ASTN2: variants seen among roughly 807,000 people sequenced by gnomAD.
ASTN2 encodes astrotactin-2.
In ASTN2, 54 loss-of-function variants were observed where a neutral mutation model predicts 139.8. The observed-to-expected ratio is 0.39, with a 90% CI of 0.31 to 0.48. The LOEUF is 0.48. ASTN2 is among the 20% of genes least tolerant of loss of function. ASTN2 has a pLI of 0.95. For missense variants in ASTN2, 1,565 were observed against 1,725.1 expected (o/e 0.91, Z 1.64); for synonymous variants, 756 against 719.5 (o/e 1.05, Z -0.81).
In ASTN2 at chr9:116,469,935, T is replaced by G. The variant is rs557117648; in HGVS notation, c.3497+17424A>C. On this transcript the variant is annotated intron_variant, in intron 20 of 22. Coordinates refer to ENST00000313400, the MANE Select transcript of ASTN2 (RefSeq NM_001365068.1). ...AGATTTAGGCTGAGGCTGGGCACGG[T>G]GGCTCACGTCTGTAATCACAGCACT... Among the ~76,000 whole-genome samples the G allele has an allele frequency of 1.6e-3, 241 of 152,202 alleles. 3 individuals are homozygous for G. The highest frequency in any genetic ancestry group is 5.6e-3 in the African/African-American group (232 of 41,526).
chr9:116,656,682 CAAA>C (rs33989865), intron 16 of ASTN2, among the ~76,000 whole-genome samples: 54,335 of 110,344 alleles, frequency 0.49, 11,760 homozygotes, highest in Admixed American at 0.59. Context: ...TTGTTGCCAC[CAAA>C]AAAAAAAAAA....
chr9:116,672,073 T>C (rs978916779), intron 16 of ASTN2, among the ~76,000 whole-genome samples: 5 of 152,162 alleles, frequency 3.3e-5, no homozygotes, highest in Non-Finnish European at 5.9e-5. Context: ...AATTTTATAT[T>C]ATTTCATAAA....
At chr9:116,776,396 A>T (rs1830089730) in intron 13 of ASTN2, among the ~76,000 whole-genome samples, 1 of 152,218 alleles carries the variant, frequency 6.6e-6, no homozygotes, top group South Asian at 2.1e-4. Context: ...TACAGATGTA[A>T]AAAAGCAAGG....
In ASTN2 at chr9:116,805,686, T is replaced by C; in HGVS notation, c.2342A>G (p.Tyr781Cys). The C allele has an allele frequency of 6.2e-7, 1 of 1,613,972 alleles. No homozygotes were observed. Among genetic ancestry groups the C allele is most frequent in the East Asian group, 2.2e-5 (1 of 44,882 alleles). Residue 781 changes from tyrosine to cysteine, a missense_variant, in exon 13 of 23, where the codon TAC becomes TGC. By Grantham distance (194) the Tyr-to-Cys change is radical (BLOSUM62 -2). Transcript: ENST00000313400. ...DTLFGEMLHG[Y>C]NNRTQHVNQG... ...GTTCACATGCTGGGTCCGGTTGTTGTAACCATGTAGCATCTCTCCAAAGAG... is the reference window on the plus strand; with the variant it reads ...GTTCACATGCTGGGTCCGGTTGTTGCAACCATGTAGCATCTCTCCAAAGAG...
chr9:116,538,374 AAAAG>A (rs1265816964), intron 19 of ASTN2, among the ~76,000 whole-genome samples: 1 of 152,030 alleles, frequency 6.6e-6, no homozygotes, highest in Admixed American at 6.6e-5. Flanking sequence ...ACAAGGAAGG[AAAAG>A]AAAGAAATTT....
At chr9:116,935,661 T>G (rs1835046034) in intron 10 of ASTN2, among the ~76,000 whole-genome samples, 1 of 152,222 alleles carries the variant, frequency 6.6e-6, no homozygotes, top group Non-Finnish European at 1.5e-5. Flanking sequence ...TTTCCATCCT[T>G]TACTTGCTGT....
intron 1 of ASTN2, among the ~76,000 whole-genome samples, chr9:117,359,002 T>C (rs552748809): frequency 6.6e-6 from 1 of 152,250 alleles, no homozygotes; most frequent in Non-Finnish European, 1.5e-5. Context: ...TTAAATTTGA[T>C]CTAAATATAA....
chr9:116,778,284 T>C (rs1830134523), intron 13 of ASTN2, among the ~76,000 whole-genome samples: 3 of 152,136 alleles, frequency 2.0e-5, no homozygotes, highest in South Asian at 2.1e-4. Flanking sequence ...AATCCAAAAG[T>C]AGAGAAAACA....
At chr9:116,844,522 C>G (rs1832367264) in intron 11 of ASTN2, among the ~76,000 whole-genome samples, 1 of 151,926 alleles carries the variant, frequency 6.6e-6, no homozygotes, top group Non-Finnish European at 1.5e-5. Flanking sequence ...GTTAGCCAGT[C>G]ACTTCGTTAA....
chr9:116,846,301 AC>A (rs2132314104), intron 11 of ASTN2, among the ~76,000 whole-genome samples: 1 of 152,346 alleles, frequency 6.6e-6, no homozygotes, highest in African/African-American at 2.4e-5. Context: ...GCATCACGCT[AC>A]CAAACTGTTC....
At chr9:116,856,427 A>G (rs922800252) in intron 11 of ASTN2, among the ~76,000 whole-genome samples, 3 of 152,220 alleles carry the variant, frequency 2.0e-5, no homozygotes, top group Non-Finnish European at 4.4e-5. Context: ...CTGTGCTCCA[A>G]GGTGATTTCT....
chr9:116,645,958 C>A (rs1857569425), intron 17 of ASTN2, among the ~76,000 whole-genome samples: 1 of 152,202 alleles, frequency 6.6e-6, no homozygotes, highest in African/African-American at 2.4e-5. Flanking sequence ...TAAACATATT[C>A]TTATCACTAT....
At chr9:116,523,367 A>T (rs1482320176) in intron 19 of ASTN2, among the ~76,000 whole-genome samples, 1 of 152,162 alleles carries the variant, frequency 6.6e-6, no homozygotes, top group East Asian at 1.9e-4. Context: ...AGACAGTAAG[A>T]AAAACAAGAA....
At chr9:117,079,861 C>A (rs1828379812) in intron 5 of ASTN2, among the ~76,000 whole-genome samples, 1 of 152,264 alleles carries the variant, frequency 6.6e-6, no homozygotes, top group African/African-American at 2.4e-5. Flanking sequence ...TCTAAGGCTA[C>A]AATTGTTCAT....
chr9:116,839,881 A>ATTATTAT (rs55634992), intron 11 of ASTN2, among the ~76,000 whole-genome samples: 5 of 127,982 alleles, frequency 3.9e-5, no homozygotes, highest in South Asian at 2.5e-4. Context: ...TATTATTATT[A>ATTATTAT]TTTTTTTTTT....
chr9:116,772,389 G>A (rs936222818), intron 13 of ASTN2, among the ~76,000 whole-genome samples: 1 of 152,126 alleles, frequency 6.6e-6, no homozygotes, highest in Non-Finnish European at 1.5e-5. Context: ...ACGTGCCTTT[G>A]CTTCTCCTTT....
In ASTN2 at chr9:116,441,177, T is replaced by C. The variant is rs536018480; in HGVS notation, c.3599-385A>G. ...GATAATCTCAACACCCTCCTTCTAT[T>C]TCCCCTTTGTTGTATTTCCAACACA... On this transcript the variant is annotated intron_variant, in intron 21 of 22. Coordinates refer to ENST00000313400, the MANE Select transcript of ASTN2 (RefSeq NM_001365068.1). Among the ~76,000 whole-genome samples, 5 of 152,272 alleles carry C rather than the reference T, an allele frequency of 3.3e-5. No individual in the cohort carries two copies. The East Asian group carries it at 9.7e-4, about 29-fold the overall frequency.
intron 1 of ASTN2, among the ~76,000 whole-genome samples, chr9:117,302,100 G>A (rs191532178): frequency 6.6e-6 from 1 of 151,360 alleles, no homozygotes; most frequent in South Asian, 2.1e-4. Flanking sequence ...GGGGTGGGAG[G>A]GGGGGTGACA....
chr9:117,185,311 T>G (rs1831169502), intron 3 of ASTN2, among the ~76,000 whole-genome samples: 1 of 152,218 alleles, frequency 6.6e-6, no homozygotes, highest in Admixed American at 6.5e-5. Context: ...ATTTCTTTGC[T>G]AAGCTGAGCT....
Sources: allele counts gnomAD v4.1 joint callset (sites outside exome capture counted in the v4.1 genomes callset), GRCh38; gene constraint gnomAD v4.1.1; transcripts MANE v1.5; gene names NCBI Gene and HGNC (gene_info 2026-07-23, HGNC 2026-07-21).